Variants in LRP2BP observed in about 807,000 individuals in gnomAD.
The protein encoded by LRP2BP is LRP2 binding protein, also known as LRP2-binding protein.
LRP2BP carries 38 observed loss-of-function variants against 45.2 expected under a neutral mutation model. That is an observed-to-expected ratio of 0.84 (90% CI 0.65 to 1.10). The LOEUF (loss-of-function observed/expected upper bound fraction) is 1.10. Among genes scored for constraint, LRP2BP ranks in the 50% least tolerant of loss-of-function variants. The pLI, the probability that LRP2BP is intolerant of heterozygous loss-of-function variation, is 0.00. For synonymous variants in LRP2BP, 153 were observed against 153.9 expected, an observed-to-expected ratio of 0.99 and a Z score of 0.04; for missense variants, 385 against 418.9, an observed-to-expected ratio of 0.92 and a Z score of 0.71.
rs568346766 is a variant in LRP2BP, at chr4:185,390,804, C to A, written c.-22+3975G>T. ...GCCTCAATTCCTCTTTTTTGAAGTA[C>A]ACTTTATGTTTTACAATAATTTGAG... is the stretch of plus-strand genomic sequence containing the variant. On this transcript the variant is annotated intron_variant, in intron 1 of 8. Transcript: ENST00000505916. 2.6e-5 allele frequency: 4 copies of A among 152,126 alleles called. No homozygotes were observed. In the East Asian group the frequency reaches 7.7e-4, roughly 29 times the overall value. The allele number at this position is 152,126 out of a possible 1,614,324, so 9.4% of individuals were successfully genotyped here.
chr4:185,369,725 C>G (rs2095408440), intron 8 of LRP2BP: 1 of 438,080 alleles, frequency 2.3e-6, no homozygotes, highest in Non-Finnish European at 4.5e-6. Flanking sequence ...GGTTCCCAAA[C>G]TTACCTGACA....
intron 3 of LRP2BP, 134 bp downstream of exon 3, chr4:185,376,775 G>T: frequency 1.6e-6 from 1 of 633,068 alleles, no homozygotes; most frequent in Non-Finnish European, 2.8e-6. Context: ...TACTGTTAAA[G>T]CCACAGCCAT....
At chr4:185,382,309 A>G (rs766760667) in intron 1 of LRP2BP, among the ~76,000 whole-genome samples, 21 of 152,214 alleles carry the variant, frequency 1.4e-4, no homozygotes, top group Non-Finnish European at 2.2e-4. Flanking sequence ...CCTATTATGA[A>G]TAGTGCTGCA....
intron 8 of LRP2BP, 107 bp downstream of exon 8, chr4:185,370,533 C>T (rs1418891014): frequency 1.8e-6 from 2 of 1,139,348 alleles, no homozygotes; most frequent in East Asian, 2.6e-5. Flanking sequence ...AGGTTATCTG[C>T]ACAGTAATTG....
intron 8 of LRP2BP, chr4:185,370,062 A>G (rs2095409947): frequency 5.7e-6 from 1 of 174,808 alleles, no homozygotes; most frequent in African/African-American, 2.4e-5. Context: ...TAAACTTAAG[A>G]GTTAGTACTC....
rs2095378640 is a variant in LRP2BP at position 185,364,212 on chromosome 4, G to A, written c.*2968C>T. 6.6e-6 allele frequency: 1 copy of A among 152,198 alleles called. No individual in the cohort carries two copies. Among genetic ancestry groups the A allele is most frequent in the African/African-American group, 2.4e-5 (1 of 41,438 alleles). 9.4% of individuals were successfully genotyped at this position (152,198 alleles called of 1,614,324 possible). A position where few individuals can be genotyped will look rare whatever the true frequency, so the allele number is the denominator to read the frequency against. On this transcript the variant is annotated 3_prime_UTR_variant, in exon 9 of 9. Coordinates refer to ENST00000505916, the MANE Select transcript of LRP2BP (RefSeq NM_001377440.1). Reference sequence around the variant, plus strand: ...GCATTAGGGAGGAGAGATGGGAGCTGACCCTTGGAGTATGGGCAGGGCCGA... The same window carrying A: ...GCATTAGGGAGGAGAGATGGGAGCTAACCCTTGGAGTATGGGCAGGGCCGA...
chr4:185,383,503 A>T (rs1399869567), intron 1 of LRP2BP, among the ~76,000 whole-genome samples: 2 of 152,256 alleles, frequency 1.3e-5, no homozygotes, highest in East Asian at 3.9e-4. Context: ...CTGCTGCAAA[A>T]TGTGTCTTAA....
intron 7 of LRP2BP, 46 bp downstream of exon 7, chr4:185,372,810 G>A (rs1165872889): frequency 1.4e-6 from 2 of 1,446,068 alleles, no homozygotes; most frequent in South Asian, 1.3e-5. Context: ...ATTACCTAGT[G>A]TGTGATATTC....
At position 185,395,602 on chromosome 4, in the gene LRP2BP, A is replaced by C; in HGVS notation, c.-845T>G. Reference sequence around the variant, plus strand: ...ATATAAGAACGATTCTATATATTTGAACACACATTTATATTCAAATATTCA... The same window carrying C: ...ATATAAGAACGATTCTATATATTTGCACACACATTTATATTCAAATATTCA... On this transcript the variant is annotated 5_prime_UTR_variant, in exon 1 of 9. Transcript: ENST00000505916. 1 of 979,850 alleles carries C rather than the reference A, an allele frequency of 1.0e-6. No individual in the cohort carries two copies. The highest frequency in any genetic ancestry group is 1.2e-6 in the Non-Finnish European group (1 of 824,798). 60.7% of individuals were successfully genotyped at this position (979,850 alleles called of 1,614,324 possible). A position where few individuals can be genotyped will look rare whatever the true frequency, so the allele number is the denominator to read the frequency against.
Position 185,374,223 on chromosome 4 carries a change from G to T in LRP2BP, c.491C>A (p.Ala164Glu). 1 of 1,614,152 alleles carries T rather than the reference G, an allele frequency of 6.2e-7. No homozygotes were observed. The highest frequency in any genetic ancestry group is 8.5e-7 in the Non-Finnish European group (1 of 1,180,034). Residue 164 changes from alanine to glutamate, a missense_variant, in exon 6 of 9, where the codon GCA becomes GAA. Physicochemically the swap from Ala to Glu is moderately radical, Grantham distance 107 (BLOSUM62 -1). Coordinates refer to ENST00000505916, the MANE Select transcript of LRP2BP (RefSeq NM_001377440.1). ...ACTAGCTTTGGGATTTCCATTGTCT[G>T]CTGCGATAAGCCACAGTCTACAAGA... ...EEAERLWLIAADNGNPKASVK... is the reference protein window; with the variant it reads ...EEAERLWLIAEDNGNPKASVK...
chr4:185,370,277 AC>A (rs893532271), intron 8 of LRP2BP: 1 of 176,130 alleles, frequency 5.7e-6, no homozygotes, highest in Non-Finnish European at 1.2e-5. Flanking sequence ...TAAACTCTGT[AC>A]TAGAATAAAA....
rs887913046 is a variant in LRP2BP, at chr4:185,385,872, G to A, written c.-21-7665C>T. Among the ~76,000 whole-genome samples the A allele has an allele frequency of 2.0e-5, 3 of 146,704 alleles. No homozygotes were observed. The Admixed American group carries it at 2.1e-4, about 10-fold the overall frequency. On this transcript the variant is annotated intron_variant, in intron 1 of 8. Transcript: ENST00000505916. ...GCTGAGATCGTGCCACTGCACTCCAGCCTGGGTGACAGAGCAAGACTCTGT... is the reference window on the plus strand; with the variant it reads ...GCTGAGATCGTGCCACTGCACTCCAACCTGGGTGACAGAGCAAGACTCTGT...
At chr4:185,391,365 A>G (rs1002910618) in intron 1 of LRP2BP, among the ~76,000 whole-genome samples, 1 of 152,132 alleles carries the variant, frequency 6.6e-6, no homozygotes, top group African/African-American at 2.4e-5. Flanking sequence ...CCCATACTCT[A>G]CTTTTTGGAA....
At chr4:185,375,774 G>T in intron 3 of LRP2BP, 48 bp from the exon 4 acceptor site, 1 of 1,316,188 alleles carries the variant, frequency 7.6e-7, no homozygotes. Context: ...TGATCTTAAA[G>T]TAATCCCAAA....
At chr4:185,369,177 G>A (rs999535088) in intron 8 of LRP2BP, among the ~76,000 whole-genome samples, 4 of 150,812 alleles carry the variant, frequency 2.7e-5, no homozygotes, top group Admixed American at 1.3e-4. Flanking sequence ...ATTAAGGATA[G>A]GATAGAACCT....
In LRP2BP at chr4:185,376,912, T is replaced by C; in HGVS notation, c.213A>G (p.Glu71=). 4.4e-6 allele frequency: 7 copies of C among 1,607,700 alleles called. No homozygotes were observed. The highest frequency in any genetic ancestry group is 6.0e-6 in the Non-Finnish European group (7 of 1,174,748). ...ACGAATAAACAAAAAATGATACCTCTTCAAAATATAGTTGACCTCGTAGGA... is the reference window on the plus strand; with the variant it reads ...ACGAATAAACAAAAAATGATACCTCCTCAAAATATAGTTGACCTCGTAGGA... The part of the protein sequence containing the change: ...AYFLRGQLYF[E]EGWYEEALEQ... Residue 71 remains glutamate (E), a synonymous_variant, in exon 3 of 9, where the codon GAA becomes GAG. Transcript: ENST00000505916.
chr4:185,386,090 CAA>C (rs1033374791), intron 1 of LRP2BP, among the ~76,000 whole-genome samples: 20 of 152,258 alleles, frequency 1.3e-4, no homozygotes, highest in African/African-American at 4.6e-4. Context: ...AAAAACAAAA[CAA>C]AGAGTCGTGG....
rs758927819 is a variant in LRP2BP, at chr4:185,385,916, G to GGC, written c.-21-7710_-21-7709insGC. 1.4e-5 allele frequency among the ~76,000 whole-genome samples: 2 copies of GGC among 138,000 alleles called. 1 individual carries two copies. The allele number at this position is 138,000 out of a possible 152,430, so 90.5% of individuals were successfully genotyped here. A position where few individuals can be genotyped will look rare whatever the true frequency, so the allele number is the denominator to read the frequency against. On this transcript the variant is annotated intron_variant, in intron 1 of 8. Coordinates refer to ENST00000505916, the MANE Select transcript of LRP2BP (RefSeq NM_001377440.1). ...ACTCTGTCTCGGGGAGGGGGGGGGG[G>GGC]AGATAAAGAAATAACATCATCTTAT...
rs879688570 is a variant in LRP2BP, at chr4:185,365,150, T to C, written c.*2030A>G. 1 of 151,990 alleles carries C rather than the reference T, an allele frequency of 6.6e-6. No homozygotes were observed. Among genetic ancestry groups the C allele is most frequent in the Non-Finnish European group, 1.5e-5 (1 of 68,042 alleles). 9.4% of individuals were successfully genotyped at this position (151,990 alleles called of 1,614,324 possible). ...GCAGTGGTAGTTTGCAGGGACTCGC[T>C]TGTGCCAGAGCATTAGCTTTATGGT... On this transcript the variant is annotated 3_prime_UTR_variant, in exon 9 of 9. Transcript: ENST00000505916.
Sources: allele counts gnomAD v4.1 joint callset (sites outside exome capture counted in the v4.1 genomes callset), GRCh38; gene constraint gnomAD v4.1.1; transcripts MANE v1.5; gene names NCBI Gene and HGNC (gene_info 2026-07-23, HGNC 2026-07-21).